SYN3: variants seen among roughly 807,000 people sequenced by gnomAD.
SYN3 encodes synapsin III.
Under a neutral mutation model 65.8 loss-of-function variants are expected in SYN3, and 35 were observed. The ratio of observed to expected loss-of-function variants is 0.53; its 90% CI spans 0.41 to 0.70. The LOEUF (loss-of-function observed/expected upper bound fraction) is 0.70. Ranked by LOEUF, SYN3 falls within the 30% of genes least tolerant of loss-of-function variation. The pLI, the probability that SYN3 is intolerant of heterozygous loss-of-function variation, is 0.00. For missense variants in SYN3, 680 were observed against 749.0 expected, an observed-to-expected ratio of 0.91 and a Z score of 1.08; for synonymous variants, 270 against 292.9, an observed-to-expected ratio of 0.92 and a Z score of 0.80.
intron 4 of SYN3, among the ~76,000 whole-genome samples, chr22:32,902,300 AG>A (rs2049782241): frequency 6.6e-6 from 1 of 152,230 alleles, no homozygotes; most frequent in Non-Finnish European, 1.5e-5. Context: ...GTCTGGGTCA[AG>A]GGAGAATGTA....
intron 6 of SYN3, among the ~76,000 whole-genome samples, chr22:32,626,211 C>A (rs1401308925): frequency 6.6e-6 from 1 of 152,134 alleles, no homozygotes; most frequent in Non-Finnish European, 1.5e-5. Flanking sequence ...TTGGCCAGCA[C>A]TCACAGGCAG....
Position 32,513,495 on chromosome 22 carries a change from T to G in SYN3, c.*197A>C, listed in dbSNP as rs2057718418. On this transcript the variant is annotated 3_prime_UTR_variant, in exon 14 of 14. Coordinates refer to ENST00000358763, the MANE Select transcript of SYN3 (RefSeq NM_003490.4). ...AGGCTCTCAAAGGCCCACCTCACAG[T>G]CAGACAATGCTGGAATGTCACGGTG... The G allele has an allele frequency of 4.3e-6, 3 of 699,652 alleles. No individual in the cohort carries two copies. The Middle Eastern group carries it at 1.3e-3, about 301-fold the overall frequency. The allele number at this position is 699,652 out of a possible 1,614,324, so 43.3% of individuals were successfully genotyped here. A position where few individuals can be genotyped will look rare whatever the true frequency, so the allele number is the denominator to read the frequency against.
chr22:32,586,509 C>T (rs2146529618), intron 7 of SYN3, among the ~76,000 whole-genome samples: 1 of 152,200 alleles, frequency 6.6e-6, no homozygotes, highest in Admixed American at 6.5e-5. Context: ...GACTAGACAG[C>T]ACTTCAGCAC....
intron 2 of SYN3, 77 bp downstream of exon 2, chr22:33,006,275 T>A: frequency 6.8e-7 from 1 of 1,471,946 alleles, no homozygotes; most frequent in South Asian, 1.4e-5. Flanking sequence ...TCTCCCCTTC[T>A]ATTTCCCCAG....
intron 1 of SYN3, 107 bp downstream of exon 1, chr22:33,058,185 G>A (rs1251806854): frequency 1.3e-5 from 2 of 152,240 alleles, no homozygotes; most frequent in Non-Finnish European, 2.9e-5. Flanking sequence ...CGGAGCTCCA[G>A]GGGACGCAGC....
intron 4 of SYN3, among the ~76,000 whole-genome samples, chr22:32,908,172 G>A (rs753436337): frequency 3.3e-5 from 5 of 151,078 alleles, no homozygotes; most frequent in Admixed American, 2.0e-4. Flanking sequence ...TGCAACCTCC[G>A]CCTCCCAGGT....
chr22:32,724,238 C>CTT (rs1394496161), intron 6 of SYN3, among the ~76,000 whole-genome samples: 1 of 141,278 alleles, frequency 7.1e-6, no homozygotes, highest in Non-Finnish European at 1.5e-5. Context: ...ATATAGGGTA[C>CTT]TTTTCTGTTT....
At chr22:32,738,986 C>T (rs910966771) in intron 6 of SYN3, among the ~76,000 whole-genome samples, 4 of 152,216 alleles carry the variant, frequency 2.6e-5, no homozygotes, top group African/African-American at 9.6e-5. Context: ...GTGATATTTT[C>T]TTTCCCATCT....
intron 6 of SYN3, among the ~76,000 whole-genome samples, chr22:32,666,051 C>T (rs2740985): frequency 0.3 from 45,823 of 152,018 alleles, 9,418 homozygotes; most frequent in East Asian, 0.7. Context: ...GCGGCTCTCT[C>T]GATGCTTTCT....
rs548999832 is a variant in SYN3 at position 32,800,037 on chromosome 22, C to T, written c.711+64878G>A. Among the ~76,000 whole-genome samples, 78 of 152,274 alleles carry T rather than the reference C, an allele frequency of 5.1e-4. 1 individual carries two copies. The highest frequency in any genetic ancestry group is 1.8e-3 in the African/African-American group (76 of 41,554). On this transcript the variant is annotated intron_variant, in intron 6 of 13. Transcript: ENST00000358763. ...GGGACAAGTCAAAAAGATGTGGAAA[C>T]TGGTTTCCCTTTCCTATGGCTAAAG...
At chr22:32,566,247 G>T (rs1187104803) in intron 7 of SYN3, among the ~76,000 whole-genome samples, 1 of 152,100 alleles carries the variant, frequency 6.6e-6, no homozygotes. Context: ...TGTAACTCTA[G>T]TCTTGGAATT....
chr22:32,959,953 G>A (rs995727316), intron 3 of SYN3, among the ~76,000 whole-genome samples: 2 of 152,160 alleles, frequency 1.3e-5, no homozygotes, highest in African/African-American at 4.8e-5. Context: ...GCATCAAACA[G>A]AGCAGTAATT....
intron 6 of SYN3, among the ~76,000 whole-genome samples, chr22:32,767,826 T>A (rs2045668914): frequency 6.6e-6 from 1 of 152,212 alleles, no homozygotes; most frequent in Non-Finnish European, 1.5e-5. Flanking sequence ...GGGACTCTTC[T>A]CTACCAACAC....
intron 6 of SYN3, among the ~76,000 whole-genome samples, chr22:32,710,659 A>AG (rs2060950883): frequency 6.6e-6 from 1 of 150,604 alleles, no homozygotes; most frequent in African/African-American, 2.5e-5. Context: ...GAAAGAAAGA[A>AG]AAAGAAAGAA....
intron 6 of SYN3, among the ~76,000 whole-genome samples, chr22:32,760,970 A>G (rs1366742000): frequency 6.6e-6 from 1 of 152,190 alleles, no homozygotes; most frequent in Non-Finnish European, 1.5e-5. Context: ...CTGTCTTACA[A>G]TGTTCCTCTC....
chr22:32,769,682 T>C (rs1354388525), intron 6 of SYN3, among the ~76,000 whole-genome samples: 8 of 152,118 alleles, frequency 5.3e-5, no homozygotes, highest in Non-Finnish European at 1.0e-4. Flanking sequence ...CATGTCCAGA[T>C]AAATTTGTAT....
At chr22:32,631,036 G>A (rs570423651) in intron 6 of SYN3, among the ~76,000 whole-genome samples, 1 of 152,334 alleles carries the variant, frequency 6.6e-6, no homozygotes, top group East Asian at 1.9e-4. Flanking sequence ...GCTCACGCCT[G>A]TAATCCCAGC....
chr22:32,535,029 G>A (rs558719814), intron 9 of SYN3, among the ~76,000 whole-genome samples: 4 of 152,260 alleles, frequency 2.6e-5, no homozygotes, highest in African/African-American at 9.6e-5. Context: ...GGCATTCTGG[G>A]CCCGGGGGCT....
chr22:32,669,761 T>C (rs1262168820), intron 6 of SYN3, among the ~76,000 whole-genome samples: 1 of 152,246 alleles, frequency 6.6e-6, no homozygotes, highest in Non-Finnish European at 1.5e-5. Flanking sequence ...CTGGTAAGAT[T>C]TAAGTGGAAG....
Sources: gnomAD v4.1 joint callset for allele counts (sites outside exome capture counted in the v4.1 genomes callset) on GRCh38, gnomAD v4.1.1 for gene constraint, MANE v1.5 for transcripts, NCBI Gene and HGNC (gene_info 2026-07-23, HGNC 2026-07-21) for gene names.